NOS1AP: variants seen among roughly 807,000 people sequenced by gnomAD.
The protein encoded by NOS1AP is nitric oxide synthase 1 adaptor protein, also known as carboxyl-terminal PDZ ligand of neuronal nitric oxide synthase protein.
A neutral mutation model predicts 56.2 loss-of-function variants in NOS1AP; 21 were observed. The observed-to-expected ratio is 0.37, with a 90% CI of 0.26 to 0.54. The LOEUF (loss-of-function observed/expected upper bound fraction) is 0.54, where lower values mean the gene tolerates loss of function less well. NOS1AP is among the 20% of genes least tolerant of loss of function. The pLI, the probability that NOS1AP is intolerant of heterozygous loss-of-function variation, is 0.84. For missense variants in NOS1AP, 522 were observed against 657.8 expected (o/e 0.79, Z 2.26); for synonymous variants, 270 against 274.6 (o/e 0.98, Z 0.17).
intron 2 of NOS1AP, among the ~76,000 whole-genome samples, chr1:162,213,346 G>A (rs762151363): frequency 9.2e-5 from 14 of 152,174 alleles, no homozygotes; most frequent in Non-Finnish European, 2.1e-4. Context: ...ATCCAGTGGT[G>A]GTTATATGGG....
intron 2 of NOS1AP, among the ~76,000 whole-genome samples, chr1:162,239,583 A>T (rs1458825545): frequency 1.3e-5 from 2 of 152,224 alleles, no homozygotes; most frequent in South Asian, 4.1e-4. Flanking sequence ...GCAAATATTC[A>T]GCAAGCCTGC....
chr1:162,262,234 A>G (rs1654262307), intron 2 of NOS1AP, among the ~76,000 whole-genome samples: 2 of 152,074 alleles, frequency 1.3e-5, no homozygotes, highest in African/African-American at 4.8e-5. Flanking sequence ...CTAAAATTTC[A>G]GCTATGGATA....
chr1:162,338,208 A>G (rs1657001768), intron 5 of NOS1AP, among the ~76,000 whole-genome samples: 1 of 152,158 alleles, frequency 6.6e-6, no homozygotes, highest in Admixed American at 6.5e-5. Flanking sequence ...ATTCAGAACC[A>G]CTTGTCAGTC....
intron 6 of NOS1AP, among the ~76,000 whole-genome samples, chr1:162,354,473 C>G (rs917553615): frequency 6.6e-6 from 1 of 152,168 alleles, no homozygotes; most frequent in African/African-American, 2.4e-5. Flanking sequence ...TAAGTAAAGA[C>G]ATGGCCATTG....
intron 2 of NOS1AP, among the ~76,000 whole-genome samples, chr1:162,273,496 G>C (rs1654649479): frequency 6.6e-6 from 1 of 152,122 alleles, no homozygotes; most frequent in Non-Finnish European, 1.5e-5. Flanking sequence ...GGAACAGTTA[G>C]TTCAGAATTG....
intron 2 of NOS1AP, among the ~76,000 whole-genome samples, chr1:162,263,944 A>G (rs902731644): frequency 6.6e-6 from 1 of 152,184 alleles, no homozygotes; most frequent in Non-Finnish European, 1.5e-5. Flanking sequence ...ATCCAACACC[A>G]GGTCCTGTTG....
chr1:162,355,481 C>G (rs1056522021), intron 7 of NOS1AP, 128 bp downstream of exon 7: 1 of 1,129,102 alleles, frequency 8.9e-7, no homozygotes, highest in African/African-American at 1.5e-5. Context: ...TGCCAGAGCG[C>G]ACTTCATTGC....
chr1:162,257,060 G>A (rs1654053050), intron 2 of NOS1AP, among the ~76,000 whole-genome samples: 1 of 152,144 alleles, frequency 6.6e-6, no homozygotes, highest in South Asian at 2.1e-4. Flanking sequence ...AGGGGTGAGA[G>A]GGCTACATTG....
chr1:162,256,169 T>A (rs1208255954), intron 2 of NOS1AP, among the ~76,000 whole-genome samples: 3 of 151,680 alleles, frequency 2.0e-5, no homozygotes, highest in Non-Finnish European at 4.4e-5. Flanking sequence ...AAAAAAAGAA[T>A]TGGCTAAATT....
Position 162,294,196 on chromosome 1 carries a change from T to TAAGGAAGGAAGGAAGG in NOS1AP, c.271-6421_271-6406dup, listed in dbSNP as rs1193084437. ...GGTAGGAAGGAAGGAAGGAAGGAAG[T>TAAGGAAGGAAGGAAGG]AAGGAAGGAAGGAAGGAAGGAAGGA... On this transcript the variant is annotated intron_variant, in intron 3 of 9. Transcript: ENST00000361897. 2.5e-4 allele frequency among the ~76,000 whole-genome samples: 22 copies of TAAGGAAGGAAGGAAGG among 88,298 alleles called. 1 individual carries two copies. The highest frequency in any genetic ancestry group is 6.4e-4 in the African/African-American group (21 of 32,734). The allele number at this position is 88,298 out of a possible 152,430, so 57.9% of individuals were successfully genotyped here.
At chr1:162,366,231 T>C (rs1355671588) in intron 9 of NOS1AP, among the ~76,000 whole-genome samples, 1 of 152,186 alleles carries the variant, frequency 6.6e-6, no homozygotes, top group African/African-American at 2.4e-5. Context: ...GTTTGCATGC[T>C]CAGAGTGTGT....
chr1:162,260,813 T>G lies in NOS1AP; in HGVS notation c.178-26531T>G, dbSNP rs541985426. 3.3e-5 allele frequency among the ~76,000 whole-genome samples: 5 copies of G among 152,282 alleles called. No homozygotes were observed. The South Asian group carries it at 1.0e-3, about 32-fold the overall frequency. On this transcript the variant is annotated intron_variant, in intron 2 of 9. Coordinates refer to ENST00000361897, the MANE Select transcript of NOS1AP (RefSeq NM_014697.3). ...TTAATAGCTGAAAGTAATTTGGAACTGAGTATAATGATTGACTATCTTAAT... is the reference window on the plus strand; with the variant it reads ...TTAATAGCTGAAAGTAATTTGGAACGGAGTATAATGATTGACTATCTTAAT...
intron 4 of NOS1AP, among the ~76,000 whole-genome samples, chr1:162,306,349 A>G (rs976384060): frequency 6.6e-6 from 1 of 152,192 alleles, no homozygotes; most frequent in African/African-American, 2.4e-5. Flanking sequence ...CAAGCTAGGT[A>G]TAGAGAAAAG....
intron 2 of NOS1AP, among the ~76,000 whole-genome samples, chr1:162,256,675 G>A (rs1293070768): frequency 5.3e-5 from 8 of 152,154 alleles, no homozygotes; most frequent in Admixed American, 1.3e-4. Context: ...ACACAAATGC[G>A]CGTATGTACA....
rs879134630 is a variant in NOS1AP at position 162,356,850 on chromosome 1, TG to T, written c.763-107del. The T allele has an allele frequency of 1.0e-5, 16 of 1,603,460 alleles. No homozygotes were observed. In the South Asian group the frequency reaches 1.5e-4, roughly 15 times the overall value. ...TTGAAGATATAGTGCTGTCAGCTTA[TG>T]GGTTGTAAGTGTGCCAATTTGCTCC... On this transcript the variant is annotated intron_variant, in intron 7 of 9. Transcript: ENST00000361897.
Position 162,256,100 on chromosome 1 carries a change from C to T in NOS1AP, c.178-31244C>T, listed in dbSNP as rs368075580. ...CGGAGGTTGCATTGAGCCAAGATCGCGCCACTGCATTCCAGCCTGGGCAAC... is the reference window on the plus strand; with the variant it reads ...CGGAGGTTGCATTGAGCCAAGATCGTGCCACTGCATTCCAGCCTGGGCAAC... On this transcript the variant is annotated intron_variant, in intron 2 of 9. Coordinates refer to ENST00000361897, the MANE Select transcript of NOS1AP (RefSeq NM_014697.3). Among the ~76,000 whole-genome samples the T allele has an allele frequency of 2.4e-4, 36 of 151,868 alleles. 2 individuals are homozygous for T. Among genetic ancestry groups the T allele is most frequent in the African/African-American group, 6.8e-4 (28 of 41,386 alleles).
intron 6 of NOS1AP, among the ~76,000 whole-genome samples, chr1:162,347,352 T>C (rs1657333569): frequency 6.6e-6 from 1 of 152,196 alleles, no homozygotes; most frequent in Non-Finnish European, 1.5e-5. Context: ...AACCAGAAAG[T>C]AAAGGATATT....
At chr1:162,278,275 T>C (rs543226220) in intron 2 of NOS1AP, among the ~76,000 whole-genome samples, 1 of 152,332 alleles carries the variant, frequency 6.6e-6, no homozygotes, top group Admixed American at 6.5e-5. Flanking sequence ...AGGTGTAATC[T>C]AACCCAATAC....
intron 2 of NOS1AP, among the ~76,000 whole-genome samples, chr1:162,276,197 A>C (rs1170971952): frequency 6.6e-6 from 1 of 152,172 alleles, no homozygotes; most frequent in Non-Finnish European, 1.5e-5. Context: ...TGCTATGGTG[A>C]AAACAGTCCT....
Sources: gnomAD v4.1 joint callset for allele counts (sites outside exome capture counted in the v4.1 genomes callset) on GRCh38, gnomAD v4.1.1 for gene constraint, MANE v1.5 for transcripts, NCBI Gene and HGNC (gene_info 2026-07-23, HGNC 2026-07-21) for gene names.